The following BCL11B variants were observed in gnomAD, a reference collection of about 807,000 sequenced individuals.
The protein encoded by BCL11B is B-cell lymphoma/leukemia 11B.
BCL11B carries 8 observed loss-of-function variants against 49.9 expected under a neutral mutation model. The observed-to-expected ratio is 0.16, with a 90% CI of 0.09 to 0.29. BCL11B has a LOEUF of 0.29. Ranked by LOEUF, BCL11B falls within the 10% of genes least tolerant of loss-of-function variation. BCL11B has a pLI of 1.00. For missense variants in BCL11B, 1,006 were observed against 1,351.0 expected (o/e 0.74, Z 4.00); for synonymous variants, 739 against 637.4 (o/e 1.16, Z -2.40).
chr14:99,224,472 C>T (rs1566817829), intron 3 of BCL11B, among the ~76,000 whole-genome samples: 1 of 152,198 alleles, frequency 6.6e-6, no homozygotes, highest in Non-Finnish European at 1.5e-5. Flanking sequence ...GTTGGCCCTT[C>T]CTCTGCCTTC....
At chr14:99,255,137 G>A (rs986424592) in intron 2 of BCL11B, among the ~76,000 whole-genome samples, 8 of 152,140 alleles carry the variant, frequency 5.3e-5, no homozygotes, top group African/African-American at 1.9e-4. Context: ...AGGAGGAATG[G>A]GAACTAGAAG....
rs771992057 is a variant in BCL11B, at chr14:99,175,320, C to T, written c.1516G>A (p.Ala506Thr). ...TCGGCCGCCTTGAGGCCCTCGCCCG[C>T]CAGCTCGCTGGTGCCGGGCTCGGGG... ...SSPEPGTSEL[A>T]GEGLKAADGD... The change falls in exon 4 of 4, where the codon GCG becomes ACG. Residue 506 changes from alanine to threonine, a missense_variant. This residue lies in a region of BCL11B where 443 missense variants were observed against 499.7 expected (regional missense o/e 0.89). Coordinates refer to ENST00000357195, the MANE Select transcript of BCL11B (RefSeq NM_138576.4). 2 of 1,545,972 alleles carry T rather than the reference C, an allele frequency of 1.3e-6. No individual in the cohort carries two copies. The highest frequency in any genetic ancestry group is 8.7e-7 in the Non-Finnish European group (1 of 1,151,130).
At chr14:99,223,321 T>A (rs1277444473) in intron 3 of BCL11B, among the ~76,000 whole-genome samples, 2 of 152,326 alleles carry the variant, frequency 1.3e-5, no homozygotes, top group East Asian at 1.9e-4. Context: ...AACCATTTTT[T>A]AAAAATATAA....
At position 99,175,846 on chromosome 14, in the gene BCL11B, G is replaced by A. The variant is rs778575970; in HGVS notation, c.990C>T (p.Leu330=). 8 of 1,479,218 alleles carry A rather than the reference G, an allele frequency of 5.4e-6. No homozygotes were observed. Among genetic ancestry groups the A allele is most frequent in the African/African-American group, 3.0e-5 (2 of 67,450 alleles). The allele number at this position is 1,479,218 out of a possible 1,614,324, so 91.6% of individuals were successfully genotyped here. A position where few individuals can be genotyped will look rare whatever the true frequency, so the allele number is the denominator to read the frequency against. ...CGACGAGCCCCATCTCCTCGGCACT[G>A]AGGCGGTGCGGGTCCAGGTGGTGGC... ...PPRHHLDPHR[L]SAEEMGLVAQ... Residue 330 remains leucine (L), a synonymous_variant, in exon 4 of 4, where the codon CTC becomes CTT. Coordinates refer to ENST00000357195, the MANE Select transcript of BCL11B (RefSeq NM_138576.4).
chr14:99,208,171 C>T (rs914568626), intron 3 of BCL11B, among the ~76,000 whole-genome samples: 6 of 152,104 alleles, frequency 3.9e-5, no homozygotes, highest in Non-Finnish European at 7.4e-5. Flanking sequence ...TCTGAAAGCC[C>T]GGATGTTTTA....
rs1409177709 is a variant in BCL11B, at chr14:99,241,672, G to A, written c.428-10115C>T. 1.3e-5 allele frequency among the ~76,000 whole-genome samples: 2 copies of A among 151,948 alleles called. No homozygotes were observed. Among genetic ancestry groups the A allele is most frequent in the Non-Finnish European group, 2.9e-5 (2 of 68,014 alleles). On this transcript the variant is annotated intron_variant, in intron 2 of 3. Transcript: ENST00000357195. This position sits in a 1 kb window ranked among gnomAD's most constrained non-coding sequence, Gnocchi z 4.4. ...CGTGTCCCTGTGCTGTAGGGGGGAC[G>A]ATGTCGCTTTTTTCCCCCTTCCCTA... is the stretch of plus-strand genomic sequence containing the variant.
intron 2 of BCL11B, among the ~76,000 whole-genome samples, chr14:99,250,225 C>T (rs79428639): frequency 0.04 from 6,078 of 151,668 alleles, 395 homozygotes; most frequent in East Asian, 0.3. Context: ...TTAGTCGAGA[C>T]GGAGTTTCAC....
At chr14:99,222,882 CCTTT>C (rs993961595) in intron 3 of BCL11B, among the ~76,000 whole-genome samples, 23 of 151,444 alleles carry the variant, frequency 1.5e-4, no homozygotes, top group African/African-American at 1.5e-4. Context: ...TCCTTTCTTT[CCTTT>C]CTTTCTTTCT....
At chr14:99,230,686 C>G (rs184093302) in intron 3 of BCL11B, among the ~76,000 whole-genome samples, 2 of 152,196 alleles carry the variant, frequency 1.3e-5, no homozygotes, top group African/African-American at 4.8e-5. Context: ...GCAGCCACAC[C>G]GCCCGCCCGG....
At position 99,241,318 on chromosome 14, in the gene BCL11B, C is replaced by A. The variant is rs897286141; in HGVS notation, c.428-9761G>T. Among the ~76,000 whole-genome samples the A allele has an allele frequency of 3.9e-5, 6 of 151,976 alleles. No individual in the cohort carries two copies. Among genetic ancestry groups the A allele is most frequent in the African/African-American group, 1.5e-4 (6 of 41,366 alleles). On this transcript the variant is annotated intron_variant, in intron 2 of 3. Coordinates refer to ENST00000357195, the MANE Select transcript of BCL11B (RefSeq NM_138576.4). The surrounding 1 kb of genome is among the most constrained non-coding windows in gnomAD (Gnocchi z 4.4). ...CCCAGAGGCGGGGAGGCCTCCGGGGCCACTCTTACACATAAACAATCATAG... is the reference window on the plus strand; with the variant it reads ...CCCAGAGGCGGGGAGGCCTCCGGGGACACTCTTACACATAAACAATCATAG...
At position 99,241,854 on chromosome 14, in the gene BCL11B, T is replaced by A. The variant is rs1233533549; in HGVS notation, c.428-10297A>T. Among the ~76,000 whole-genome samples, 5 of 152,184 alleles carry A rather than the reference T, an allele frequency of 3.3e-5. No homozygotes were observed. Among genetic ancestry groups the A allele is most frequent in the Admixed American group, 2.0e-4 (3 of 15,280 alleles). On this transcript the variant is annotated intron_variant, in intron 2 of 3. Coordinates refer to ENST00000357195, the MANE Select transcript of BCL11B (RefSeq NM_138576.4). This position sits in a 1 kb window ranked among gnomAD's most constrained non-coding sequence, Gnocchi z 4.4. Reference sequence around the variant, plus strand: ...TCCCCTCATTTGACAAAACTACTATTTCTGGGCATGTGGTCAAAAGCAGGT... The same window carrying A: ...TCCCCTCATTTGACAAAACTACTATATCTGGGCATGTGGTCAAAAGCAGGT...
rs1205932544 is a variant in BCL11B, at chr14:99,232,989, T to C, written c.428-1432A>G. On this transcript the variant is annotated intron_variant, in intron 2 of 3. Coordinates refer to ENST00000357195, the MANE Select transcript of BCL11B (RefSeq NM_138576.4). The surrounding 1 kb of genome is among the most constrained non-coding windows in gnomAD (Gnocchi z 5.1). ...GAACCAACAAAGACCTCATACTAGG[T>C]GAGGCCTCGGGCCCAGGGTATTTCT... Among the ~76,000 whole-genome samples, 1 of 152,146 alleles carries C rather than the reference T, an allele frequency of 6.6e-6. No homozygotes were observed.
At chr14:99,268,913 G>C (rs1051288773) in intron 1 of BCL11B, among the ~76,000 whole-genome samples, 1 of 152,140 alleles carries the variant, frequency 6.6e-6, no homozygotes, top group African/African-American at 2.4e-5. Flanking sequence ...GAGCAGGGCT[G>C]AGCGAGACAG....
chr14:99,197,978 G>A lies in BCL11B; in HGVS notation c.641-21783C>T, dbSNP rs140232377. The stretch of plus-strand genomic sequence containing the variant: ...AAATGCACAGGACGCGGGCTGTGTC[G>A]GGAAGCTATCCATCACAGCTGGCTG... On this transcript the variant is annotated intron_variant, in intron 3 of 3. Transcript: ENST00000357195. 7.2e-4 allele frequency among the ~76,000 whole-genome samples: 109 copies of A among 152,324 alleles called. 1 individual carries two copies. The highest frequency in any genetic ancestry group is 2.3e-3 in the African/African-American group (97 of 41,590).
chr14:99,235,103 G>A (rs947415251), intron 2 of BCL11B, among the ~76,000 whole-genome samples: 2 of 152,092 alleles, frequency 1.3e-5, no homozygotes, highest in African/African-American at 2.4e-5. Context: ...ACACAAAAAC[G>A]CCTGGAAAAG....
chr14:99,181,722 G>A (rs1374134695), intron 3 of BCL11B, among the ~76,000 whole-genome samples: 1 of 152,288 alleles, frequency 6.6e-6, no homozygotes, highest in South Asian at 2.1e-4. Flanking sequence ...GGTATGACAC[G>A]TCACTGGGGA....
chr14:99,246,187 A>C (rs1230228186), intron 2 of BCL11B, among the ~76,000 whole-genome samples: 1 of 152,036 alleles, frequency 6.6e-6, no homozygotes, highest in African/African-American at 2.4e-5. Flanking sequence ...GGGGAGTGTC[A>C]GGGGAGGAAG....
At chr14:99,179,403 G>A (rs1886633033) in intron 3 of BCL11B, among the ~76,000 whole-genome samples, 1 of 145,222 alleles carries the variant, frequency 6.9e-6, no homozygotes, top group African/African-American at 2.5e-5. Flanking sequence ...GAACCCGGGA[G>A]ACGGAAGTGG....
chr14:99,172,654 C>A lies in BCL11B; in HGVS notation c.*1497G>T. The A allele has an allele frequency of 4.6e-6, 1 of 215,174 alleles. No individual in the cohort carries two copies. The highest frequency in any genetic ancestry group is 9.4e-6 in the Non-Finnish European group (1 of 106,478). 13.3% of individuals were successfully genotyped at this position (215,174 alleles called of 1,614,324 possible). On this transcript the variant is annotated 3_prime_UTR_variant, in exon 4 of 4. Coordinates refer to ENST00000357195, the MANE Select transcript of BCL11B (RefSeq NM_138576.4). ...ATTGTGAATGCCACGCTTAGCAATA[C>A]TGACACTCAATCTCAGCTGTCCCTT...
Sources: allele counts gnomAD v4.1 joint callset (sites outside exome capture counted in the v4.1 genomes callset), GRCh38; gene constraint gnomAD v4.1.1; regional missense constraint gnomAD v4.1.1; non-coding constraint Gnocchi (gnomAD v3.1); transcripts MANE v1.5; gene names NCBI Gene and HGNC (gene_info 2026-07-23, HGNC 2026-07-21).